Variants in ECT2 observed in about 807,000 individuals in gnomAD.
ECT2 encodes the protein epithelial cell transforming 2, also known as protein ECT2.
In ECT2, 61 loss-of-function variants were observed where a neutral mutation model predicts 116.9. The ratio of observed to expected loss-of-function variants is 0.52; its 90% CI spans 0.42 to 0.65. The LOEUF (loss-of-function observed/expected upper bound fraction) is 0.65. Among genes scored for constraint, ECT2 ranks in the 30% least tolerant of loss-of-function variants. The pLI is 0.00. For synonymous variants in ECT2, 358 were observed against 346.4 expected, an observed-to-expected ratio of 1.03 and a Z score of -0.37; for missense variants, 937 against 1,078.7, an observed-to-expected ratio of 0.87 and a Z score of 1.84.
chr3:172,775,171 T>A (rs200839620), intron 14 of ECT2, among the ~76,000 whole-genome samples: 1 of 46,536 alleles, frequency 2.1e-5, no homozygotes, highest in South Asian at 7.9e-4. Context: ...AGTTTAGTTT[T>A]ATTTCCTCTT....
chr3:172,798,751 T>C (rs918693942), intron 18 of ECT2, among the ~76,000 whole-genome samples: 4 of 152,336 alleles, frequency 2.6e-5, no homozygotes, highest in African/African-American at 9.6e-5. Flanking sequence ...TTGAAAACTT[T>C]TTGAGCATTC....
chr3:172,789,771 A>G (rs1286899151), intron 18 of ECT2, among the ~76,000 whole-genome samples: 1 of 152,172 alleles, frequency 6.6e-6, no homozygotes, highest in East Asian at 1.9e-4. Flanking sequence ...TTCTTTGCTT[A>G]TATGTAAGAA....
At position 172,762,399 on chromosome 3, in the gene ECT2, G is replaced by A. The variant is rs750141576; in HGVS notation, c.759-17G>A. The A allele has an allele frequency of 1.3e-6, 2 of 1,586,002 alleles. No individual in the cohort carries two copies. Among genetic ancestry groups the A allele is most frequent in the Non-Finnish European group, 1.7e-6 (2 of 1,172,198 alleles). On this transcript the variant is annotated splice_polypyrimidine_tract_variant and intron_variant, in intron 8 of 24. Transcript: ENST00000392692. ...TTTAAGTTAAACTGGTTTTGGAAGAGTGTATTTTGTTTTTAGGGATTTCTA... is the reference window on the plus strand; with the variant it reads ...TTTAAGTTAAACTGGTTTTGGAAGAATGTATTTTGTTTTTAGGGATTTCTA...
chr3:172,798,289 T>C (rs1006582586), intron 18 of ECT2, among the ~76,000 whole-genome samples: 15 of 152,172 alleles, frequency 9.9e-5, no homozygotes, highest in African/African-American at 3.4e-4. Flanking sequence ...ATAACTAAAT[T>C]TTGTTGTCAG....
chr3:172,827,251 CAT>C, the ECT2 span, among the ~76,000 whole-genome samples: 1 of 152,142 alleles, frequency 6.6e-6, no homozygotes, highest in Non-Finnish European at 1.5e-5. Flanking sequence ...ATGGAACTAT[CAT>C]ATGATCCAGC....
intron 20 of ECT2, among the ~76,000 whole-genome samples, chr3:172,803,226 TGCAAA>T (rs1169569437): frequency 1.3e-5 from 2 of 152,212 alleles, no homozygotes; most frequent in Non-Finnish European, 2.9e-5. Context: ...TTTATTTCCA[TGCAAA>T]TAAATGCTTA....
intron 18 of ECT2, among the ~76,000 whole-genome samples, chr3:172,800,358 A>G (rs766987727): frequency 5.9e-5 from 9 of 152,174 alleles, no homozygotes; most frequent in Non-Finnish European, 1.3e-4. Flanking sequence ...ACTCACCACT[A>G]TCACTCACCA....
intron 18 of ECT2, among the ~76,000 whole-genome samples, chr3:172,787,428 G>A (rs1445818272): frequency 6.6e-6 from 1 of 152,120 alleles, no homozygotes; most frequent in Non-Finnish European, 1.5e-5. Flanking sequence ...AATGGGTTAT[G>A]TAAATAGGTG....
downstream of ECT2, among the ~76,000 whole-genome samples, chr3:172,825,954 C>T (rs183842182): frequency 9.8e-5 from 15 of 152,296 alleles, no homozygotes; most frequent in East Asian, 5.8e-4. Context: ...AGTGCAATGG[C>T]GCGATCTCGG....
chr3:172,805,652 T>A, intron 20 of ECT2, 79 bp from the exon 21 acceptor site: 1 of 1,326,240 alleles, frequency 7.5e-7, no homozygotes. Context: ...TTTATGTGAT[T>A]AGTGCTATTT....
intron 24 of ECT2, chr3:172,818,912 G>A: frequency 2.0e-6 from 2 of 1,004,018 alleles, no homozygotes; most frequent in Non-Finnish European, 1.3e-6. Context: ...TGGGAACTTT[G>A]GAATTCACAA....
intron 18 of ECT2, among the ~76,000 whole-genome samples, chr3:172,801,855 C>A (rs1256081292): frequency 2.0e-5 from 3 of 152,154 alleles, no homozygotes; most frequent in African/African-American, 7.2e-5. Flanking sequence ...TAAATTCATT[C>A]CCTGTTATTC....
chr3:172,785,955 A>T (rs943544430), intron 17 of ECT2, among the ~76,000 whole-genome samples: 2 of 152,174 alleles, frequency 1.3e-5, no homozygotes, highest in Non-Finnish European at 2.9e-5. Flanking sequence ...ATTCCACATG[A>T]GAGATTAGGT....
chr3:172,782,977 T>C (rs1284441467), intron 15 of ECT2, among the ~76,000 whole-genome samples: 2 of 152,176 alleles, frequency 1.3e-5, no homozygotes, highest in Non-Finnish European at 2.9e-5. Flanking sequence ...CATGTCTTGC[T>C]ATTGTGAATA....
At chr3:172,790,040 C>T (rs985625453) in intron 18 of ECT2, among the ~76,000 whole-genome samples, 2 of 151,872 alleles carry the variant, frequency 1.3e-5, no homozygotes, top group Non-Finnish European at 2.9e-5. Flanking sequence ...TCTTCTTGGC[C>T]TGAGCTCTGG....
intron 13 of ECT2, among the ~76,000 whole-genome samples, chr3:172,769,381 G>A (rs76777350): frequency 0.032 from 4,814 of 152,224 alleles, 160 homozygotes; most frequent in East Asian, 0.16. Context: ...ACAGAACTCA[G>A]TAGATGATCT....
intron 22 of ECT2, among the ~76,000 whole-genome samples, chr3:172,812,229 C>A (rs1728898718): frequency 6.6e-6 from 1 of 152,174 alleles, no homozygotes; most frequent in Admixed American, 6.6e-5. Flanking sequence ...TTCAAGTGAT[C>A]TGCCCCCCTG....
At position 172,757,064 on chromosome 3, in the gene ECT2, G is replaced by T; in HGVS notation, c.385G>T (p.Val129Leu). 1 of 1,611,220 alleles carries T rather than the reference G, an allele frequency of 6.2e-7. No individual in the cohort carries two copies. The highest frequency in any genetic ancestry group is 8.5e-7 in the Non-Finnish European group (1 of 1,178,992). Residue 129 changes from valine (V) to leucine (L), a missense_variant, in exon 5 of 25, where the codon GTA becomes TTA. Coordinates refer to ENST00000392692, the MANE Select transcript of ECT2 (RefSeq NM_001258315.2). ...TTCTCCGGAATTTGAAAATGTATTT[G>T]TAGTCACGGACTTTCAGGATTCTGT... Reference protein sequence around the residue: ...LDSPEFENVFVVTDFQDSVFN... With the variant: ...LDSPEFENVFLVTDFQDSVFN...
At position 172,787,750 on chromosome 3, in the gene ECT2, C is replaced by T. The variant is rs116477009; in HGVS notation, c.1907+1176C>T. 9.8e-3 allele frequency among the ~76,000 whole-genome samples: 1,493 copies of T among 152,178 alleles called. 28 individuals are homozygous for T. The highest frequency in any genetic ancestry group is 0.034 in the African/African-American group (1,395 of 41,508). On this transcript the variant is annotated intron_variant, in intron 18 of 24. Coordinates refer to ENST00000392692, the MANE Select transcript of ECT2 (RefSeq NM_001258315.2). ...TTATGAAGTAGGCAGTCATTGTTTT[C>T]ATATTTTTATAAAAGAAACTGAGAG...
Sources: gnomAD v4.1 joint callset for allele counts (sites outside exome capture counted in the v4.1 genomes callset) on GRCh38, gnomAD v4.1.1 for gene constraint, MANE v1.5 for transcripts, NCBI Gene and HGNC (gene_info 2026-07-23, HGNC 2026-07-21) for gene names.